The following TRPM2 variants were observed in gnomAD, a reference collection of about 807,000 sequenced individuals.
TRPM2 encodes the protein transient receptor potential cation channel subfamily M member 2, also known as estrogen-responsive element-associated gene 1 protein.
In TRPM2, 161 loss-of-function variants were observed where a neutral mutation model predicts 174.0. That is an observed-to-expected ratio of 0.93 (90% confidence interval 0.81 to 1.05). The LOEUF is 1.05. Among genes scored for constraint, TRPM2 ranks in the 50% least tolerant of loss-of-function variants. The probability of loss-of-function intolerance (pLI) is 0.00; values close to 1 mark genes in which losing one functional copy is unlikely to be tolerated. For missense variants in TRPM2, 2,057 were observed against 2,038.0 expected, an observed-to-expected ratio of 1.01 and a Z score of -0.18; for synonymous variants, 954 against 861.3, an observed-to-expected ratio of 1.11 and a Z score of -1.88.
chr21:44,402,909 C>T (rs1162718200), intron 16 of TRPM2, among the ~76,000 whole-genome samples: 1 of 152,174 alleles, frequency 6.6e-6, no homozygotes, highest in Non-Finnish European at 1.5e-5. Flanking sequence ...CCTTGGTGGA[C>T]CACCAGGCCC....
Position 44,366,684 on chromosome 21 carries a change from C to T in TRPM2, c.424-70C>T, listed in dbSNP as rs1166178410. ...CGCCCGCTGGGGCCTCTCTGCATGG[C>T]CTGTGTGGGTCGGTGCTGTCCCTGA... is the stretch of plus-strand genomic sequence containing the variant. On this transcript the variant is annotated intron_variant, in intron 3 of 31. Coordinates refer to ENST00000397928, the MANE Select transcript of TRPM2 (RefSeq NM_003307.4). The surrounding 1 kb of genome is among the most constrained non-coding windows in gnomAD (Gnocchi z 6.0). 1.2e-6 allele frequency: 2 copies of T among 1,605,576 alleles called. No individual in the cohort carries two copies. Among genetic ancestry groups the T allele is most frequent in the African/African-American group, 1.3e-5 (1 of 74,754 alleles).
chr21:44,382,218 GGATA>G (rs1365670076), intron 8 of TRPM2, among the ~76,000 whole-genome samples: 13 of 152,026 alleles, frequency 8.6e-5, no homozygotes, highest in Admixed American at 2.0e-4. Flanking sequence ...ACACATGGAT[GGATA>G]GATAGATTTA....
At chr21:44,377,967 G>A (rs2048756632) in intron 7 of TRPM2, among the ~76,000 whole-genome samples, 194 bp downstream of exon 7, 1 of 152,276 alleles carries the variant, frequency 6.6e-6, no homozygotes. Context: ...TCGGAGGAAG[G>A]TGCCTGGAGG....
chr21:44,414,085 G>T lies in TRPM2; in HGVS notation c.3146+11G>T, dbSNP rs2050195766. 2 of 1,606,204 alleles carry T rather than the reference G, an allele frequency of 1.2e-6. No individual in the cohort carries two copies. Among genetic ancestry groups the T allele is most frequent in the African/African-American group, 2.7e-5 (2 of 74,844 alleles). ...CATCGCCATGTTCAAGTGAGCGCCT[G>T]GGTGGGGCTGGCGTGCAGGTGGGTG... On this transcript the variant is annotated intron_variant, in intron 20 of 31. Transcript: ENST00000397928.
rs367545571 is a variant in TRPM2 at position 44,423,740 on chromosome 21, C to T, written c.3549+8C>T. On this transcript the variant is annotated splice_region_variant and intron_variant, in intron 23 of 31. Coordinates refer to ENST00000397928, the MANE Select transcript of TRPM2 (RefSeq NM_003307.4). ...GCCTCCCTGGAGGAGCAGGTGGGTC[C>T]GAGGTCGGGGCCTCCGTCAGGAGGT... is the stretch of plus-strand genomic sequence containing the variant. The T allele has an allele frequency of 6.8e-4, 1,091 of 1,598,160 alleles. 1 individual carries two copies. Among genetic ancestry groups the T allele is most frequent in the Middle Eastern group, 2.8e-3 (16 of 5,762 alleles).
At chr21:44,418,140 C>T (rs765042621) in intron 21 of TRPM2, 32 bp downstream of exon 21, 5 of 1,590,780 alleles carry the variant, frequency 3.1e-6, no homozygotes, top group South Asian at 2.2e-5. Context: ...TCCTGAATGT[C>T]CTGGCCACCC....
rs540453674 is a variant in TRPM2 at position 44,360,511 on chromosome 21, G to A, written c.255-3603G>A. Among the ~76,000 whole-genome samples, 4 of 151,962 alleles carry A rather than the reference G, an allele frequency of 2.6e-5. No individual in the cohort carries two copies. In the South Asian group the frequency reaches 6.2e-4, roughly 24 times the overall value. On this transcript the variant is annotated intron_variant, in intron 2 of 31. Coordinates refer to ENST00000397928, the MANE Select transcript of TRPM2 (RefSeq NM_003307.4). The stretch of plus-strand genomic sequence containing the variant: ...TGTGGCTACATTCTGCATAACTGTA[G>A]TACAGTACCCAAGCCAGGAATTAAA...
intron 9 of TRPM2, 119 bp downstream of exon 9, chr21:44,382,939 GAAACC>G: frequency 9.0e-7 from 1 of 1,113,524 alleles, no homozygotes; most frequent in Non-Finnish European, 1.3e-6. Flanking sequence ...TCCTTGGTCA[GAAACC>G]CTGGCCAGAG....
Position 44,391,418 on chromosome 21 carries a change from C to A in TRPM2, c.1587C>A (p.Ser529=), listed in dbSNP as rs372512035. The change falls in exon 11 of 32, where the codon TCC becomes TCA. Residue 529 remains serine, a synonymous_variant. Coordinates refer to ENST00000397928, the MANE Select transcript of TRPM2 (RefSeq NM_003307.4). The surrounding 1 kb of genome is among the most constrained non-coding windows in gnomAD (Gnocchi z 5.0). ...LLYLYENLDP[S]CLFHSKLQKV... is the part of the protein sequence containing the mutation. ...ACCTGTACGAGAACCTGGACCCCTC[C>A]TGCCTGTTCCACAGCAAGCTGCAGA... 9 of 1,614,080 alleles carry A rather than the reference C, an allele frequency of 5.6e-6. No homozygotes were observed. In the South Asian group the frequency reaches 9.9e-5, roughly 18 times the overall value.
intron 22 of TRPM2, among the ~76,000 whole-genome samples, chr21:44,419,535 T>G: frequency 6.6e-6 from 1 of 151,272 alleles, no homozygotes; most frequent in Non-Finnish European, 1.5e-5. Context: ...GTGGTGGTGA[T>G]GGTGATGATG....
chr21:44,409,858 A>G (rs59394196), intron 19 of TRPM2, among the ~76,000 whole-genome samples: 8,825 of 122,544 alleles, frequency 0.072, 1,072 homozygotes, highest in African/African-American at 0.25. Context: ...AGTTTTGACC[A>G]CACTGTCTTG....
At chr21:44,418,379 C>G in intron 21 of TRPM2, 44 bp from the exon 22 acceptor site, 4 of 1,604,834 alleles carry the variant, frequency 2.5e-6, no homozygotes, top group Non-Finnish European at 3.4e-6. Context: ...GGGCCCACCT[C>G]CTGAGGATTC....
At chr21:44,423,975 C>A (rs2059721045) in intron 23 of TRPM2, among the ~76,000 whole-genome samples, 1 of 152,308 alleles carries the variant, frequency 6.6e-6, no homozygotes, top group Admixed American at 6.5e-5. Context: ...CCGGGCTGTG[C>A]TCCTCGCTGC....
chr21:44,375,732 G>A, intron 5 of TRPM2, 101 bp from the exon 6 acceptor site: 2 of 1,345,830 alleles, frequency 1.5e-6, no homozygotes, highest in African/African-American at 1.5e-5. Context: ...CAGATTCCAG[G>A]GACTGGGACC....
intron 28 of TRPM2, among the ~76,000 whole-genome samples, chr21:44,436,223 C>T (rs1008231795): frequency 2.0e-5 from 3 of 152,190 alleles, no homozygotes; most frequent in Non-Finnish European, 2.9e-5. Context: ...AGGAAGCTGC[C>T]GGGGGCTCTT....
Position 44,364,325 on chromosome 21 carries a change from C to T in TRPM2, c.423+43C>T, listed in dbSNP as rs765542459. On this transcript the variant is annotated intron_variant, in intron 3 of 31. Transcript: ENST00000397928. Reference sequence around the variant, plus strand: ...TCGCTCTGAACTGTAGGTGGAGCTGCATGGCCCCACAGTGACACGCGGTGG... The same window carrying T: ...TCGCTCTGAACTGTAGGTGGAGCTGTATGGCCCCACAGTGACACGCGGTGG... The T allele has an allele frequency of 1.9e-6, 3 of 1,600,302 alleles. No individual in the cohort carries two copies. The African/African-American group carries it at 4.0e-5, about 21-fold the overall frequency.
chr21:44,405,323 C>A lies in TRPM2; in HGVS notation c.2657+63C>A, dbSNP rs2049830928. 7 of 1,597,104 alleles carry A rather than the reference C, an allele frequency of 4.4e-6. No individual in the cohort carries two copies. In the South Asian group the frequency reaches 7.7e-5, roughly 18 times the overall value. ...CAGCCAGCCCTGCAGGGGATGAGCACAGGCCGGGCCCAGAACCAGCCACAC... is the reference window on the plus strand; with the variant it reads ...CAGCCAGCCCTGCAGGGGATGAGCAAAGGCCGGGCCCAGAACCAGCCACAC... On this transcript the variant is annotated intron_variant, in intron 17 of 31. Transcript: ENST00000397928.
At chr21:44,394,520 T>A (rs951804159) in intron 11 of TRPM2, among the ~76,000 whole-genome samples, 1 of 151,820 alleles carries the variant, frequency 6.6e-6, no homozygotes, top group African/African-American at 2.4e-5. Context: ...GGGGTTTCAC[T>A]GCGTTAGCCA....
At chr21:44,363,360 T>C (rs1602130662) in intron 2 of TRPM2, among the ~76,000 whole-genome samples, 1 of 152,150 alleles carries the variant, frequency 6.6e-6, no homozygotes, top group African/African-American at 2.4e-5. Context: ...TTTTTCTTTG[T>C]TGTTGTTTGT....
Sources: allele counts gnomAD v4.1 joint callset (sites outside exome capture counted in the v4.1 genomes callset), GRCh38; gene constraint gnomAD v4.1.1; non-coding constraint Gnocchi (gnomAD v3.1); transcripts MANE v1.5; gene names NCBI Gene and HGNC (gene_info 2026-07-23, HGNC 2026-07-21).